Variants in RAPGEF6 observed in about 807,000 individuals in gnomAD.
RAPGEF6 encodes the protein PDZ domain containing guanine nucleotide exchange factor (GEF) 2.
Under a neutral mutation model 171.4 loss-of-function variants are expected in RAPGEF6, and 56 were observed. The ratio of observed to expected loss-of-function variants is 0.33; its 90% CI spans 0.26 to 0.41. The LOEUF (loss-of-function observed/expected upper bound fraction) is 0.41. Ranked by LOEUF, RAPGEF6 falls within the 10% of genes least tolerant of loss-of-function variation. The pLI, the probability that RAPGEF6 is intolerant of heterozygous loss-of-function variation, is 1.00. For synonymous variants in RAPGEF6, 692 were observed against 650.1 expected, an observed-to-expected ratio of 1.06 and a Z score of -0.98; for missense variants, 1,674 against 1,921.4, an observed-to-expected ratio of 0.87 and a Z score of 2.41.
chr5:131,514,776 T>C (rs1482356942), intron 7 of RAPGEF6, among the ~76,000 whole-genome samples: 3 of 151,438 alleles, frequency 2.0e-5, no homozygotes, highest in Non-Finnish European at 4.4e-5. Flanking sequence ...ATACCACGAG[T>C]GGAAATATGT....
intron 4 of RAPGEF6, among the ~76,000 whole-genome samples, chr5:131,576,972 C>T (rs759677155): frequency 2.6e-5 from 4 of 152,102 alleles, no homozygotes; most frequent in African/African-American, 4.8e-5. Flanking sequence ...CCTCCCTTTC[C>T]GACACATCAA....
intron 1 of RAPGEF6, among the ~76,000 whole-genome samples, chr5:131,632,964 C>G (rs1476227572): frequency 1.3e-5 from 2 of 152,168 alleles, no homozygotes; most frequent in Non-Finnish European, 2.9e-5. Flanking sequence ...CAATTAAGCA[C>G]AATAAAGTAC....
intron 15 of RAPGEF6, among the ~76,000 whole-genome samples, chr5:131,482,832 T>C (rs765281083): frequency 6.6e-6 from 1 of 152,144 alleles, no homozygotes; most frequent in African/African-American, 2.4e-5. Flanking sequence ...AGATTTTAAC[T>C]AGGCAAAGGA....
At chr5:131,529,851 T>C (rs1049329136) in intron 6 of RAPGEF6, among the ~76,000 whole-genome samples, 4 of 151,272 alleles carry the variant, frequency 2.6e-5, no homozygotes, top group Non-Finnish European at 5.9e-5. Flanking sequence ...TGAGCCATGA[T>C]TACACCACTG....
At chr5:131,579,597 G>C (rs1762814879) in intron 4 of RAPGEF6, among the ~76,000 whole-genome samples, 1 of 152,036 alleles carries the variant, frequency 6.6e-6, no homozygotes, top group South Asian at 2.1e-4. Flanking sequence ...CACTACATTA[G>C]CTAGACACAG....
chr5:131,507,306 C>G (rs914476584), intron 9 of RAPGEF6, among the ~76,000 whole-genome samples: 1 of 151,616 alleles, frequency 6.6e-6, no homozygotes, highest in African/African-American at 2.4e-5. Flanking sequence ...CTACACGTCT[C>G]CTCAGGTTAG....
At chr5:131,509,190 C>T (rs1431808729) in intron 8 of RAPGEF6, among the ~76,000 whole-genome samples, 1 of 152,082 alleles carries the variant, frequency 6.6e-6, no homozygotes, top group East Asian at 1.9e-4. Context: ...ATTCAACTTC[C>T]CAACTAAAGT....
At chr5:131,589,041 A>G (rs544331541) in intron 4 of RAPGEF6, among the ~76,000 whole-genome samples, 1 of 152,182 alleles carries the variant, frequency 6.6e-6, no homozygotes, top group African/African-American at 2.4e-5. Context: ...CTGCATTCCA[A>G]CCTGGGTGAC....
chr5:131,439,897 G>A (rs1278152469), intron 23 of RAPGEF6, 182 bp from the exon 24 acceptor site: 7 of 1,074,532 alleles, frequency 6.5e-6, no homozygotes, highest in Non-Finnish European at 7.7e-6. Context: ...TCACCTCTAG[G>A]TTATTCATTC....
At chr5:131,532,253 C>T (rs941923064) in intron 6 of RAPGEF6, 6 of 335,724 alleles carry the variant, frequency 1.8e-5, no homozygotes, top group Non-Finnish European at 2.9e-5. Context: ...AATCATACAC[C>T]ACTGCAGTGT....
chr5:131,466,469 A>G (rs1409820601), intron 17 of RAPGEF6, among the ~76,000 whole-genome samples: 2 of 152,148 alleles, frequency 1.3e-5, no homozygotes, highest in Non-Finnish European at 2.9e-5. Flanking sequence ...CCCCAACCAA[A>G]TCTCATCTTG....
intron 16 of RAPGEF6, among the ~76,000 whole-genome samples, chr5:131,474,219 C>G (rs1009230854): frequency 1.3e-5 from 2 of 152,200 alleles, no homozygotes; most frequent in Non-Finnish European, 2.9e-5. Context: ...AATCCCAGCA[C>G]TTTGGGTGGC....
chr5:131,532,627 A>G (rs1759470932), intron 6 of RAPGEF6, among the ~76,000 whole-genome samples: 1 of 152,140 alleles, frequency 6.6e-6, no homozygotes, highest in Non-Finnish European at 1.5e-5. Context: ...CAAACATTGT[A>G]TCCTGAAGAT....
chr5:131,537,863 G>C (rs1759873327), intron 6 of RAPGEF6, among the ~76,000 whole-genome samples: 1 of 152,028 alleles, frequency 6.6e-6, no homozygotes, highest in Admixed American at 6.6e-5. Context: ...GGAGGCCGAG[G>C]CAGGCTATTG....
At chr5:131,528,336 TATACACACACACACAC>T (rs1561538498) in intron 6 of RAPGEF6, among the ~76,000 whole-genome samples, 16 of 24,394 alleles carry the variant, frequency 6.6e-4, no homozygotes, top group African/African-American at 1.2e-3. Flanking sequence ...TATATATATA[TATACACACACACACAC>T]ATATATATAT....
Position 131,446,648 on chromosome 5 carries a change from G to A in RAPGEF6, c.3256C>T (p.His1086Tyr). ...GAGCTGCGGCGTGCCCTTTTTTTGT[G>A]AGCACCTCCCTGAACATCCAGCATG... ...SNMLDVQGGA[H>Y]KKRARRSSLL... is the part of the protein sequence containing the mutation. The change falls in exon 22 of 28, where the codon CAC becomes TAC. Residue 1086 changes from histidine (H) to tyrosine (Y), a missense_variant. Physicochemically the swap from His to Tyr is moderately conservative, Grantham distance 83. Around this residue, in one of 3 missense-constraint regions of RAPGEF6, gnomAD observed 1,116 missense variants for 1,321.5 expected, o/e 0.84. Transcript: ENST00000509018. The A allele has an allele frequency of 1.2e-6, 2 of 1,614,090 alleles. No individual in the cohort carries two copies. The highest frequency in any genetic ancestry group is 1.3e-5 in the African/African-American group (1 of 75,028).
chr5:131,474,901 TA>T (rs1225899210), intron 16 of RAPGEF6, among the ~76,000 whole-genome samples: 1 of 152,218 alleles, frequency 6.6e-6, no homozygotes, highest in Non-Finnish European at 1.5e-5. Flanking sequence ...CCAGTCCTAC[TA>T]ATAATTAAGT....
intron 3 of RAPGEF6, among the ~76,000 whole-genome samples, chr5:131,600,314 G>A (rs866812454): frequency 3.9e-5 from 6 of 152,254 alleles, no homozygotes; most frequent in Middle Eastern, 3.4e-3. Flanking sequence ...CTGAGGTCAC[G>A]AGTTCAAGAC....
chr5:131,461,143 A>T (rs1338209829), intron 19 of RAPGEF6, among the ~76,000 whole-genome samples: 1 of 152,246 alleles, frequency 6.6e-6, no homozygotes, highest in Non-Finnish European at 1.5e-5. Context: ...TCCTGGGCTT[A>T]TGAATGTCAA....
Sources: allele counts gnomAD v4.1 joint callset (sites outside exome capture counted in the v4.1 genomes callset), GRCh38; gene constraint gnomAD v4.1.1; regional missense constraint gnomAD v4.1.1; transcripts MANE v1.5; gene names NCBI Gene and HGNC (gene_info 2026-07-23, HGNC 2026-07-21).